The following ST6GAL1 variants were observed in gnomAD, a reference collection of about 807,000 sequenced individuals.
ST6GAL1 encodes ST6 beta-galactoside alpha-2,6-sialyltransferase 1.
ST6GAL1 carries 20 observed loss-of-function variants against 38.0 expected under a neutral mutation model. That is an observed-to-expected ratio of 0.53 (90% CI 0.37 to 0.77). ST6GAL1 has a LOEUF of 0.77. Among genes scored for constraint, ST6GAL1 ranks in the 30% least tolerant of loss-of-function variants. The pLI, the probability that ST6GAL1 is intolerant of heterozygous loss-of-function variation, is 0.00. For missense variants in ST6GAL1, 432 were observed against 496.4 expected (o/e 0.87, Z 1.23); for synonymous variants, 196 against 188.2 (o/e 1.04, Z -0.34).
intron 5 of ST6GAL1, among the ~76,000 whole-genome samples, chr3:187,068,213 A>G (rs1043553780): frequency 1.3e-5 from 2 of 152,074 alleles, no homozygotes; most frequent in Non-Finnish European, 2.9e-5. Flanking sequence ...GTGGTGGCAC[A>G]TGTCTGTCGT....
chr3:187,044,905 C>A (rs1019298703), intron 4 of ST6GAL1, among the ~76,000 whole-genome samples: 5 of 152,220 alleles, frequency 3.3e-5, no homozygotes, highest in Non-Finnish European at 2.9e-5. Context: ...ATCAAAATTG[C>A]ATGTTAGACT....
intron 5 of ST6GAL1, among the ~76,000 whole-genome samples, chr3:187,061,604 A>G (rs1328553044): frequency 2.0e-5 from 3 of 152,214 alleles, no homozygotes; most frequent in Non-Finnish European, 4.4e-5. Context: ...GTGTGTCAGG[A>G]TCGTTCAATG....
chr3:187,071,529 C>G (rs912520657), intron 5 of ST6GAL1, among the ~76,000 whole-genome samples: 9 of 151,632 alleles, frequency 5.9e-5, no homozygotes, highest in African/African-American at 2.2e-4. Context: ...GTGGGCGGAT[C>G]ACGAGGTCAG....
chr3:186,955,009 A>C (rs2108522804), intron 1 of ST6GAL1, among the ~76,000 whole-genome samples: 1 of 152,312 alleles, frequency 6.6e-6, no homozygotes, highest in South Asian at 2.1e-4. Context: ...ATTTTTGGGT[A>C]AGGTATAAGG....
chr3:186,947,664 G>C (rs1714422906), intron 1 of ST6GAL1, among the ~76,000 whole-genome samples: 2 of 152,196 alleles, frequency 1.3e-5, no homozygotes, highest in Non-Finnish European at 2.9e-5. Flanking sequence ...TGATGGTCCA[G>C]ACTCCACCAT....
chr3:186,938,087 GAAATA>G (rs1176177049), intron 1 of ST6GAL1, among the ~76,000 whole-genome samples: 1 of 152,110 alleles, frequency 6.6e-6, no homozygotes, highest in African/African-American at 2.4e-5. Context: ...GAAATGAAAT[GAAATA>G]AAATAAAATA....
At chr3:187,064,578 CT>C (rs1719030789) in intron 5 of ST6GAL1, 1 of 456,610 alleles carries the variant, frequency 2.2e-6, no homozygotes, top group African/African-American at 2.0e-5. Flanking sequence ...CCGGGATACA[CT>C]ACCCACCCTC....
rs375683776 is a variant in ST6GAL1, at chr3:186,950,218, G to A, written c.-324-13567G>A. Among the ~76,000 whole-genome samples, 5 of 152,314 alleles carry A rather than the reference G, an allele frequency of 3.3e-5. No homozygotes were observed. The East Asian group carries it at 7.7e-4, about 24-fold the overall frequency. ...GAATCTGCCAGGCAGTTGGGGCGGG[G>A]GCAGCATTGGATCCACTCATAAGGG... On this transcript the variant is annotated intron_variant, in intron 1 of 7. Transcript: ENST00000169298.
At chr3:187,055,831 G>A (rs894560942) in intron 5 of ST6GAL1, among the ~76,000 whole-genome samples, 1 of 152,154 alleles carries the variant, frequency 6.6e-6, no homozygotes, top group Non-Finnish European at 1.5e-5. Flanking sequence ...TCTGCTTGGT[G>A]CAGAGCTGAG....
At chr3:186,984,786 CCCTTCCTTCCTTCCTTCCATCCTT>C (rs1192528893) in intron 2 of ST6GAL1, among the ~76,000 whole-genome samples, 9 of 35,066 alleles carry the variant, frequency 2.6e-4, no homozygotes, top group African/African-American at 8.9e-4. Context: ...TTCCCTTCCT[CCCTTCCTTCCTTCCTTCCATCCTT>C]CCTTCCTTCC....
At chr3:187,069,650 A>G (rs12638323) in intron 5 of ST6GAL1, among the ~76,000 whole-genome samples, 85,538 of 152,018 alleles carry the variant, frequency 0.56, 26,782 homozygotes, top group African/African-American at 0.86. Flanking sequence ...GAACTCTAGC[A>G]TGTTTAGATC....
chr3:187,064,240 A>G (rs1189484821), intron 5 of ST6GAL1, among the ~76,000 whole-genome samples: 3 of 152,268 alleles, frequency 2.0e-5, no homozygotes, highest in African/African-American at 7.2e-5. Flanking sequence ...GGAACCAGGC[A>G]GATATTACAA....
chr3:186,948,465 G>T (rs1345392741), intron 1 of ST6GAL1, among the ~76,000 whole-genome samples: 1 of 152,094 alleles, frequency 6.6e-6, no homozygotes, highest in African/African-American at 2.4e-5. Context: ...GCTCCGGGAA[G>T]GATCAGGATG....
intron 1 of ST6GAL1, among the ~76,000 whole-genome samples, chr3:186,943,818 G>C (rs758399535): frequency 6.6e-6 from 1 of 152,248 alleles, no homozygotes; most frequent in South Asian, 2.1e-4. Context: ...AAGTCAGACC[G>C]TGAGTGTGTT....
At position 187,075,487 on chromosome 3, in the gene ST6GAL1, C is replaced by CT. The variant is rs1719527784; in HGVS notation, c.980-74dup. On this transcript the variant is annotated intron_variant, in intron 7 of 7. Coordinates refer to ENST00000169298, the MANE Select transcript of ST6GAL1 (RefSeq NM_173216.2). This position sits in a 1 kb window ranked among gnomAD's most constrained non-coding sequence, Gnocchi z 4.1. ...TCTCCAAATTTGGGGTCATGAGCTG[C>CT]TGAACCCACTGGGCAGAGCTCTGGG... 6.3e-7 allele frequency: 1 copy of CT among 1,575,496 alleles called. No homozygotes were observed. The highest frequency in any genetic ancestry group is 8.6e-7 in the Non-Finnish European group (1 of 1,157,604).
At chr3:186,955,499 C>CT (rs370729803) in intron 1 of ST6GAL1, among the ~76,000 whole-genome samples, 12,931 of 149,112 alleles carry the variant, frequency 0.087, 679 homozygotes, top group Non-Finnish European at 0.13. Context: ...TGTGTCTTCT[C>CT]TTTTTTTTTT....
chr3:186,942,884 G>A (rs753459500), intron 1 of ST6GAL1, among the ~76,000 whole-genome samples: 2 of 152,180 alleles, frequency 1.3e-5, no homozygotes, highest in African/African-American at 4.8e-5. Flanking sequence ...TGTATTTTTA[G>A]TAGAGATGAG....
intron 5 of ST6GAL1, among the ~76,000 whole-genome samples, chr3:187,056,116 C>G (rs1164622767): frequency 6.6e-6 from 1 of 152,172 alleles, no homozygotes; most frequent in African/African-American, 2.4e-5. Context: ...TTATCAGAGA[C>G]TAGGATTGCA....
chr3:187,003,323 G>C (rs963574367), intron 2 of ST6GAL1, among the ~76,000 whole-genome samples: 2 of 152,124 alleles, frequency 1.3e-5, no homozygotes, highest in Non-Finnish European at 2.9e-5. Flanking sequence ...TTAGAGAGGG[G>C]GCAATCTGCT....
Sources: gnomAD v4.1 joint callset for allele counts (sites outside exome capture counted in the v4.1 genomes callset) on GRCh38, gnomAD v4.1.1 for gene constraint, Gnocchi (gnomAD v3.1) non-coding constraint, MANE v1.5 for transcripts, NCBI Gene and HGNC (gene_info 2026-07-23, HGNC 2026-07-21) for gene names.